The following PTPRM variants were observed in gnomAD, a reference collection of about 807,000 sequenced individuals.
The protein encoded by PTPRM is receptor-type tyrosine-protein phosphatase mu.
In PTPRM, 47 loss-of-function variants were observed where a neutral mutation model predicts 186.7. The observed-to-expected ratio is 0.25, with a 90% CI of 0.20 to 0.32. The LOEUF (loss-of-function observed/expected upper bound fraction) is 0.32. PTPRM is among the 10% of genes least tolerant of loss of function. The pLI is 1.00. For missense variants in PTPRM, 1,494 were observed against 1,865.0 expected, an observed-to-expected ratio of 0.80 and a Z score of 3.66; for synonymous variants, 668 against 674.9, an observed-to-expected ratio of 0.99 and a Z score of 0.16.
intron 13 of PTPRM, among the ~76,000 whole-genome samples, chr18:8,134,032 G>C (rs1405214980): frequency 6.6e-6 from 1 of 152,176 alleles, no homozygotes; most frequent in Middle Eastern, 3.2e-3. Flanking sequence ...TCTAGTGTCA[G>C]ATGACAATTC....
chr18:7,600,336 C>T (rs139850529), intron 1 of PTPRM, among the ~76,000 whole-genome samples: 49 of 152,282 alleles, frequency 3.2e-4, no homozygotes, highest in East Asian at 2.3e-3. Context: ...TTTCTAACAT[C>T]GGCTTTTTCA....
intron 22 of PTPRM, among the ~76,000 whole-genome samples, chr18:8,321,461 G>A (rs180914363): frequency 1.4e-3 from 218 of 152,270 alleles, no homozygotes; most frequent in Non-Finnish European, 2.6e-3. Flanking sequence ...AAAGAGAAAT[G>A]CCAATAGAGA....
chr18:8,287,018 T>A, intron 19 of PTPRM, among the ~76,000 whole-genome samples: 1 of 151,874 alleles, frequency 6.6e-6, no homozygotes, highest in African/African-American at 2.4e-5. Flanking sequence ...TTGATGGAGT[T>A]TATGTGCTCT....
At chr18:7,698,445 T>C (rs1384263097) in intron 1 of PTPRM, among the ~76,000 whole-genome samples, 1 of 152,218 alleles carries the variant, frequency 6.6e-6, no homozygotes, top group Non-Finnish European at 1.5e-5. Flanking sequence ...CATTACTTTA[T>C]CAATCCAGCA....
At chr18:8,301,534 C>T (rs971400283) in intron 20 of PTPRM, among the ~76,000 whole-genome samples, 3 of 152,248 alleles carry the variant, frequency 2.0e-5, no homozygotes, top group Non-Finnish European at 4.4e-5. Context: ...GCTTCCCAGG[C>T]TCCCTTCCTC....
chr18:8,401,919 G>T (rs2095874393), intron 32 of PTPRM, among the ~76,000 whole-genome samples: 1 of 152,216 alleles, frequency 6.6e-6, no homozygotes, highest in Non-Finnish European at 1.5e-5. Flanking sequence ...CCTGGTTACG[G>T]TCTGACCCAA....
chr18:8,127,610 T>C (rs548245872), intron 13 of PTPRM, among the ~76,000 whole-genome samples: 42 of 152,178 alleles, frequency 2.8e-4, no homozygotes, highest in Admixed American at 2.4e-3. Context: ...ACAGACCCCC[T>C]CCAGTTAGCC....
In PTPRM at chr18:8,334,492, C is replaced by A. The variant is rs1215751795; in HGVS notation, c.2957-8931C>A. On this transcript the variant is annotated intron_variant, in intron 22 of 32. Coordinates refer to ENST00000580170, the MANE Select transcript of PTPRM (RefSeq NM_001105244.2). ...CTGACCTTCCTGCCCCCAGGCTCTC[C>A]CTGTGCTGAGCCATCACCTGCAGCC... Among the ~76,000 whole-genome samples, 6 of 152,232 alleles carry A rather than the reference C, an allele frequency of 3.9e-5. No homozygotes were observed. The East Asian group carries it at 1.2e-3, about 29-fold the overall frequency.
At position 8,257,616 on chromosome 18, in the gene PTPRM, A is replaced by C. The variant is rs115947830; in HGVS notation, c.2754+4202A>C. On this transcript the variant is annotated intron_variant, in intron 19 of 32. Coordinates refer to ENST00000580170, the MANE Select transcript of PTPRM (RefSeq NM_001105244.2). ...AAAATGCCGTGGAATGCTTGGCTTC[A>C]AGACTTGTTGAAGCAGTGAATTACT... Among the ~76,000 whole-genome samples, 1,375 of 152,304 alleles carry C rather than the reference A, an allele frequency of 9.0e-3. 22 individuals are homozygous for C. Among genetic ancestry groups the C allele is most frequent in the African/African-American group, 0.032 (1,324 of 41,556 alleles).
chr18:8,087,925 C>G (rs1376361679), intron 10 of PTPRM, among the ~76,000 whole-genome samples: 1 of 152,120 alleles, frequency 6.6e-6, no homozygotes, highest in African/African-American at 2.4e-5. Flanking sequence ...TCCGTAATTA[C>G]TGAAGACCTC....
chr18:8,246,646 ATTC>A (rs1195278816), intron 15 of PTPRM, among the ~76,000 whole-genome samples: 2 of 152,034 alleles, frequency 1.3e-5, no homozygotes, highest in Non-Finnish European at 2.9e-5. Context: ...CATTTTTTTC[ATTC>A]TTATTTTCAT....
At chr18:8,366,144 T>G (rs2095627903) in intron 23 of PTPRM, among the ~76,000 whole-genome samples, 1 of 152,206 alleles carries the variant, frequency 6.6e-6, no homozygotes, top group Non-Finnish European at 1.5e-5. Context: ...TGCTGACTTC[T>G]TAGAACTCTC....
rs76207957 is a variant in PTPRM at position 7,893,776 on chromosome 18, A to G, written c.468+5399A>G. Among the ~76,000 whole-genome samples the G allele has an allele frequency of 2.9e-3, 448 of 152,334 alleles. 7 individuals are homozygous for G. The East Asian group carries it at 0.053, about 18-fold the overall frequency. On this transcript the variant is annotated intron_variant, in intron 3 of 32. Transcript: ENST00000580170. The stretch of plus-strand genomic sequence containing the variant: ...AATAGCAATATAAACTATTAGGTAA[A>G]TGGCACATTGTAGATGCGGCAAGAG...
chr18:8,336,625 AGAG>A (rs144825734), intron 22 of PTPRM, among the ~76,000 whole-genome samples: 33,334 of 142,802 alleles, frequency 0.23, 4,051 homozygotes, highest in Non-Finnish European at 0.27. Flanking sequence ...AGGGGGAGGG[AGAG>A]GAGGAGGAGG....
chr18:7,720,672 A>G (rs1302740876), intron 1 of PTPRM, among the ~76,000 whole-genome samples: 1 of 152,132 alleles, frequency 6.6e-6, no homozygotes, highest in East Asian at 1.9e-4. Context: ...CTATCATTCT[A>G]CTTTGTGCCT....
intron 3 of PTPRM, among the ~76,000 whole-genome samples, chr18:7,898,490 G>A (rs1387217271): frequency 6.6e-6 from 1 of 152,164 alleles, no homozygotes; most frequent in Admixed American, 6.5e-5. Context: ...CTCCTGTTTG[G>A]CAGACATCTG....
intron 19 of PTPRM, among the ~76,000 whole-genome samples, chr18:8,259,814 ATGT>A (rs1428963830): frequency 6.6e-6 from 1 of 151,846 alleles, no homozygotes; most frequent in Non-Finnish European, 1.5e-5. Context: ...CTCCTGGCTC[ATGT>A]TGTATTTTTA....
intron 7 of PTPRM, among the ~76,000 whole-genome samples, chr18:8,056,456 G>A (rs571837793): frequency 1.0e-3 from 154 of 152,078 alleles, no homozygotes; most frequent in Non-Finnish European, 1.4e-3. Context: ...GTGAAACTCC[G>A]ACTCTAAACT....
At chr18:7,857,846 A>G (rs938021515) in intron 2 of PTPRM, among the ~76,000 whole-genome samples, 1 of 152,232 alleles carries the variant, frequency 6.6e-6, no homozygotes, top group African/African-American at 2.4e-5. Context: ...CTAAGATTAC[A>G]TCATAATGTT....
Sources: allele counts gnomAD v4.1 joint callset (sites outside exome capture counted in the v4.1 genomes callset), GRCh38; gene constraint gnomAD v4.1.1; transcripts MANE v1.5; gene names NCBI Gene and HGNC (gene_info 2026-07-23, HGNC 2026-07-21).